The following CACNA2D3 variants were observed in gnomAD, a reference collection of about 807,000 sequenced individuals.
The protein encoded by CACNA2D3 is calcium voltage-gated channel auxiliary subunit alpha2delta 3.
In CACNA2D3, 60 loss-of-function variants were observed where a neutral mutation model predicts 160.6. The ratio of observed to expected loss-of-function variants is 0.37; its 90% CI spans 0.30 to 0.46. CACNA2D3 has a LOEUF of 0.46. Ranked by LOEUF, CACNA2D3 falls within the 20% of genes least tolerant of loss-of-function variation. The pLI is 1.00. For synonymous variants in CACNA2D3, 558 were observed against 492.9 expected, an observed-to-expected ratio of 1.13 and a Z score of -1.75; for missense variants, 1,205 against 1,365.0, an observed-to-expected ratio of 0.88 and a Z score of 1.85.
intron 14 of CACNA2D3, among the ~76,000 whole-genome samples, chr3:54,817,495 A>G (rs1703482847): frequency 6.6e-6 from 1 of 152,182 alleles, no homozygotes; most frequent in Admixed American, 6.5e-5. Context: ...TGTCACCCTC[A>G]TAGCATGTCG....
At chr3:54,444,719 T>C (rs1004553561) in intron 4 of CACNA2D3, among the ~76,000 whole-genome samples, 3 of 152,324 alleles carry the variant, frequency 2.0e-5, no homozygotes, top group East Asian at 3.9e-4. Flanking sequence ...AAGTTAATGG[T>C]TAGTCTGAAT....
intron 11 of CACNA2D3, among the ~76,000 whole-genome samples, chr3:54,691,416 C>A (rs1700567817): frequency 6.6e-6 from 1 of 152,130 alleles, no homozygotes; most frequent in South Asian, 2.1e-4. Flanking sequence ...AACAAAGGAA[C>A]ATATTGTGGT....
chr3:54,416,240 T>G (rs941747220), intron 4 of CACNA2D3, among the ~76,000 whole-genome samples: 2 of 152,210 alleles, frequency 1.3e-5, no homozygotes, highest in Non-Finnish European at 2.9e-5. Flanking sequence ...CCCAGGTCAC[T>G]TGCAAAGCTC....
chr3:54,529,225 G>A (rs945596201), intron 5 of CACNA2D3, among the ~76,000 whole-genome samples: 6 of 152,094 alleles, frequency 3.9e-5, no homozygotes, highest in African/African-American at 7.2e-5. Context: ...TTGTATAAAC[G>A]TGGGCTCATG....
intron 11 of CACNA2D3, among the ~76,000 whole-genome samples, chr3:54,686,577 ATGTTTCCCAAACTGTGGGCCG>A (rs1205834070): frequency 2.0e-5 from 3 of 152,226 alleles, no homozygotes; most frequent in Non-Finnish European, 2.9e-5. Flanking sequence ...GTACATGGCT[ATGTTTCCCAAACTGTGGGCCG>A]AGGTACCCTT....
At chr3:55,051,506 A>C (rs976791077) in intron 35 of CACNA2D3, among the ~76,000 whole-genome samples, 1 of 151,902 alleles carries the variant, frequency 6.6e-6, no homozygotes, top group Non-Finnish European at 1.5e-5. Context: ...TGCTCTCTTC[A>C]AAGCTGTCAG....
intron 9 of CACNA2D3, among the ~76,000 whole-genome samples, chr3:54,586,262 C>CAAAAAAAAAA (rs34992866): frequency 3.9e-5 from 4 of 101,314 alleles, no homozygotes; most frequent in Non-Finnish European, 7.7e-5. Flanking sequence ...AGATCCATCT[C>CAAAAAAAAAA]AAAAAAAAAA....
intron 11 of CACNA2D3, among the ~76,000 whole-genome samples, chr3:54,647,520 C>G (rs545404537): frequency 6.6e-6 from 1 of 152,272 alleles, no homozygotes; most frequent in Admixed American, 6.5e-5. Flanking sequence ...TTTCTCTCCA[C>G]GTGGTGTCTC....
At chr3:55,015,789 G>GA (rs1198879205) in intron 34 of CACNA2D3, among the ~76,000 whole-genome samples, 8 of 152,208 alleles carry the variant, frequency 5.3e-5, no homozygotes, top group Admixed American at 4.6e-4. Context: ...AGAAAGAAGT[G>GA]AAAAAGATAG....
chr3:54,925,030 G>T (rs112094171), intron 27 of CACNA2D3: 8 of 1,614,188 alleles, frequency 5.0e-6, no homozygotes, highest in African/African-American at 4.0e-5. Flanking sequence ...AAAGCAGGAA[G>T]ATGGTGTATC....
chr3:54,846,155 A>G (rs756781030), intron 16 of CACNA2D3, among the ~76,000 whole-genome samples: 29 of 152,308 alleles, frequency 1.9e-4, no homozygotes, highest in African/African-American at 4.3e-4. Context: ...TTGGATGCCA[A>G]TGTGGGGATG....
In CACNA2D3 at chr3:54,879,099, T is replaced by C. The variant is rs773020496; in HGVS notation, c.1782+10T>C. 2 of 1,567,096 alleles carry C rather than the reference T, an allele frequency of 1.3e-6. No individual in the cohort carries two copies. ...GACAGTGGACAAAGGGGTACATTTT[T>C]CTCAAACATTTTTGCTGCTTAATTT... On this transcript the variant is annotated intron_variant, in intron 19 of 37. Transcript: ENST00000474759.
intron 14 of CACNA2D3, among the ~76,000 whole-genome samples, chr3:54,827,320 G>A (rs535654712): frequency 6.6e-6 from 1 of 152,238 alleles, no homozygotes; most frequent in Non-Finnish European, 1.5e-5. Context: ...AGCAACGTTT[G>A]GTAGCAAGTA....
intron 2 of CACNA2D3, among the ~76,000 whole-genome samples, chr3:54,177,053 T>C (rs1307054906): frequency 3.9e-5 from 6 of 152,182 alleles, no homozygotes; most frequent in Non-Finnish European, 8.8e-5. Flanking sequence ...GTGTGTGAAA[T>C]GTTGAGCTTA....
intron 5 of CACNA2D3, among the ~76,000 whole-genome samples, chr3:54,539,161 G>C (rs1169065254): frequency 6.6e-6 from 1 of 152,148 alleles, no homozygotes; most frequent in Non-Finnish European, 1.5e-5. Context: ...GCTCCTAGTA[G>C]GGTCACCTAG....
At chr3:54,460,148 C>T (rs1439799234) in intron 4 of CACNA2D3, among the ~76,000 whole-genome samples, 1 of 151,574 alleles carries the variant, frequency 6.6e-6, no homozygotes, top group South Asian at 2.1e-4. Context: ...TGTTTTGGTA[C>T]CAGTACCATG....
chr3:54,143,320 G>C (rs574329066), intron 2 of CACNA2D3, among the ~76,000 whole-genome samples: 2 of 152,284 alleles, frequency 1.3e-5, no homozygotes, highest in South Asian at 4.1e-4. Context: ...TTGTGTTCAT[G>C]TATAAATGCT....
At chr3:54,243,497 T>C (rs1702011418) in intron 2 of CACNA2D3, among the ~76,000 whole-genome samples, 1 of 152,256 alleles carries the variant, frequency 6.6e-6, no homozygotes, top group Admixed American at 6.5e-5. Flanking sequence ...GGTTCGGCTA[T>C]TGTTCATGTG....
chr3:54,689,010 A>AAAAAAGAGAG (rs1553785965), intron 11 of CACNA2D3, among the ~76,000 whole-genome samples: 12 of 85,496 alleles, frequency 1.4e-4, no homozygotes, highest in South Asian at 4.7e-4. Context: ...AAAAAAAAAA[A>AAAAAAGAGAG]AGAATGAGGT....
Sources: gnomAD v4.1 joint callset for allele counts (sites outside exome capture counted in the v4.1 genomes callset) on GRCh38, gnomAD v4.1.1 for gene constraint, MANE v1.5 for transcripts, NCBI Gene and HGNC (gene_info 2026-07-23, HGNC 2026-07-21) for gene names.